Variants in CDH2 observed in about 807,000 individuals in gnomAD.
CDH2 encodes cadherin-2.
In CDH2, 17 loss-of-function variants were observed where a neutral mutation model predicts 92.0. That is an observed-to-expected ratio of 0.18 (90% CI 0.13 to 0.28). The LOEUF (loss-of-function observed/expected upper bound fraction) is 0.28. Among genes scored for constraint, CDH2 ranks in the 10% least tolerant of loss-of-function variants. The pLI is 1.00. For synonymous variants in CDH2, 419 were observed against 415.9 expected, an observed-to-expected ratio of 1.01 and a Z score of -0.09; for missense variants, 862 against 1,133.1, an observed-to-expected ratio of 0.76 and a Z score of 3.44.
At position 28,113,123 on chromosome 18, in the gene CDH2, T is replaced by C. The variant is rs866677433; in HGVS notation, c.172+34550A>G. ...GATACTATAGTGCAAAGCATCTATA[T>C]AGGAATTAGGACAGTGGAAGTATGA... On this transcript the variant is annotated intron_variant, in intron 2 of 15. Coordinates refer to ENST00000269141, the MANE Select transcript of CDH2 (RefSeq NM_001792.5). 3.9e-5 allele frequency among the ~76,000 whole-genome samples: 6 copies of C among 152,102 alleles called. No homozygotes were observed. In the South Asian group the frequency reaches 1.2e-3, roughly 31 times the overall value.
At chr18:28,049,287 G>C (rs1888061672) in intron 2 of CDH2, among the ~76,000 whole-genome samples, 2 of 152,294 alleles carry the variant, frequency 1.3e-5, no homozygotes, top group South Asian at 4.1e-4. Flanking sequence ...ACACAGAAAC[G>C]TGCTATGGGC....
chr18:28,072,330 T>C (rs1284675423), intron 2 of CDH2, among the ~76,000 whole-genome samples: 1 of 152,208 alleles, frequency 6.6e-6, no homozygotes, highest in Admixed American at 6.5e-5. Flanking sequence ...TTCCAGCTTC[T>C]AAGCAGTGCT....
chr18:27,937,493 G>T (rs2143830521), intron 6 of CDH2, among the ~76,000 whole-genome samples: 1 of 152,266 alleles, frequency 6.6e-6, no homozygotes, highest in African/African-American at 2.4e-5. Flanking sequence ...GATTGTTATT[G>T]TTATGACATT....
chr18:28,061,613 A>C (rs1190352934), intron 2 of CDH2, among the ~76,000 whole-genome samples: 1 of 152,182 alleles, frequency 6.6e-6, no homozygotes, highest in African/African-American at 2.4e-5. Context: ...CGTCTCAAAA[A>C]ACCCAAAAGC....
At chr18:27,986,542 C>T (rs1006206467) in intron 11 of CDH2, among the ~76,000 whole-genome samples, 4 of 152,144 alleles carry the variant, frequency 2.6e-5, no homozygotes, top group African/African-American at 9.7e-5. Context: ...TGGTGATTTG[C>T]TTCTGCTACA....
At chr18:27,990,835 TATTTG>T (rs2012392224) in intron 9 of CDH2, among the ~76,000 whole-genome samples, 1 of 152,166 alleles carries the variant, frequency 6.6e-6, no homozygotes, top group Admixed American at 6.5e-5. Flanking sequence ...CAGCTAAACT[TATTTG>T]ATTTAAAAGT....
intron 6 of CDH2, among the ~76,000 whole-genome samples, chr18:27,938,477 A>G (rs1296805002): frequency 6.6e-6 from 1 of 152,216 alleles, no homozygotes; most frequent in East Asian, 1.9e-4. Flanking sequence ...TATCTCTGAC[A>G]TCAACATTTT....
At chr18:28,095,807 C>CAAAAAAAAAAAAAAAAAAAAAA (rs33981188) in intron 2 of CDH2, among the ~76,000 whole-genome samples, 9 of 102,932 alleles carry the variant, frequency 8.7e-5, no homozygotes, top group African/African-American at 2.9e-4. Context: ...GCAACTCCAT[C>CAAAAAAAAAAAAAAAAAAAAAA]AAAAAAAAAA....
chr18:28,174,652 A>C (rs2016511128), intron 1 of CDH2, among the ~76,000 whole-genome samples: 1 of 151,964 alleles, frequency 6.6e-6, no homozygotes, highest in Non-Finnish European at 1.5e-5. Context: ...AGAAACACTT[A>C]AGAAAAAACT....
At chr18:28,119,143 A>C (rs2015544477) in intron 2 of CDH2, among the ~76,000 whole-genome samples, 1 of 152,158 alleles carries the variant, frequency 6.6e-6, no homozygotes, top group African/African-American at 2.4e-5. Flanking sequence ...GGTGCAAAGA[A>C]GACTCTTGAA....
chr18:28,059,086 A>G (rs1233196256), intron 2 of CDH2, among the ~76,000 whole-genome samples: 1 of 152,226 alleles, frequency 6.6e-6, no homozygotes, highest in Non-Finnish European at 1.5e-5. Flanking sequence ...CCTGAGAGTC[A>G]TAATGGCAAT....
chr18:28,059,986 C>T (rs1003117055), intron 2 of CDH2, among the ~76,000 whole-genome samples: 4 of 152,056 alleles, frequency 2.6e-5, no homozygotes, highest in African/African-American at 9.7e-5. Context: ...ATATGATCCT[C>T]TGCACTCTGT....
chr18:27,985,062 A>G lies in CDH2; in HGVS notation c.2147T>C (p.Val716Ala). 1 of 1,614,196 alleles carries G rather than the reference A, an allele frequency of 6.2e-7. No homozygotes were observed. Among genetic ancestry groups the G allele is most frequent in the South Asian group, 1.1e-5 (1 of 91,084 alleles). ...GGCACCGGTGCCAAGCCCCGCACCC[A>G]CAATCCTGTCCACATCTGTGCAGTC... ...NGDCTDVDRI[V>A]GAGLGTGAII... Residue 716 changes from valine to alanine, a missense_variant, in exon 13 of 16, where the codon GTG becomes GCG. Val to Ala is a moderately conservative substitution (Grantham distance 64). Around this residue, in one of 5 missense-constraint regions of CDH2, gnomAD observed 564 missense variants for 722.2 expected, o/e 0.78. Transcript: ENST00000269141.
chr18:28,064,659 C>A (rs2014472120), intron 2 of CDH2, among the ~76,000 whole-genome samples: 2 of 151,050 alleles, frequency 1.3e-5, no homozygotes. Context: ...ACAAAAAAGC[C>A]CCAATTAAAA....
intron 1 of CDH2, among the ~76,000 whole-genome samples, chr18:28,174,522 G>A (rs1487278000): frequency 6.6e-6 from 1 of 152,196 alleles, no homozygotes; most frequent in South Asian, 2.1e-4. Flanking sequence ...ATAACTTGAT[G>A]AGAAAGTTAT....
intron 7 of CDH2, among the ~76,000 whole-genome samples, chr18:27,997,693 T>C (rs1367387167): frequency 6.6e-6 from 1 of 152,188 alleles, no homozygotes; most frequent in East Asian, 1.9e-4. Context: ...TCATCATAAA[T>C]CACGGGTTTC....
At chr18:28,170,909 A>G (rs1291227734) in intron 1 of CDH2, among the ~76,000 whole-genome samples, 1 of 150,054 alleles carries the variant, frequency 6.7e-6, no homozygotes, top group African/African-American at 2.4e-5. Flanking sequence ...TCATAAATAC[A>G]TGCATACCTG....
intron 15 of CDH2, among the ~76,000 whole-genome samples, chr18:27,960,507 G>A (rs2011373503): frequency 6.6e-6 from 1 of 152,154 alleles, no homozygotes; most frequent in African/African-American, 2.4e-5. Context: ...AGCCAAATAA[G>A]AACCAGACAC....
rs571868163 is a variant in CDH2 at position 27,951,247 on chromosome 18, TAAAA to T, written c.*902_*905del. 1 of 140,758 alleles carries T rather than the reference TAAAA, an allele frequency of 7.1e-6. No homozygotes were observed. The highest frequency in any genetic ancestry group is 1.6e-5 in the Non-Finnish European group (1 of 64,378). 8.7% of individuals were successfully genotyped at this position (140,758 alleles called of 1,614,324 possible). On this transcript the variant is annotated 3_prime_UTR_variant, in exon 16 of 16. Transcript: ENST00000269141. ...CCCAAACCAAAAAGAAAATAAAAAA[TAAAA>T]AAATTAAAAAAATTAAAAATTGAGT...
Sources: allele counts gnomAD v4.1 joint callset (sites outside exome capture counted in the v4.1 genomes callset), GRCh38; gene constraint gnomAD v4.1.1; regional missense constraint gnomAD v4.1.1; transcripts MANE v1.5; gene names NCBI Gene and HGNC (gene_info 2026-07-23, HGNC 2026-07-21).